Variants in CAMK1D observed in about 807,000 individuals in gnomAD.
CAMK1D encodes calcium/calmodulin dependent protein kinase ID.
In CAMK1D, 9 loss-of-function variants were observed where a neutral mutation model predicts 47.7. The ratio of observed to expected loss-of-function variants is 0.19; its 90% CI spans 0.11 to 0.33. CAMK1D has a LOEUF of 0.33. Among genes scored for constraint, CAMK1D ranks in the 10% least tolerant of loss-of-function variants. The pLI is 1.00. For synonymous variants in CAMK1D, 184 were observed against 184.9 expected (o/e 0.99, Z 0.04); for missense variants, 291 against 488.7 (o/e 0.60, Z 3.81).
At chr10:12,457,251 A>C (rs965075050) in intron 1 of CAMK1D, among the ~76,000 whole-genome samples, 1 of 151,792 alleles carries the variant, frequency 6.6e-6, no homozygotes, top group African/African-American at 2.4e-5. Context: ...ATTAGCTGGG[A>C]GTGGTGGCAC....
Position 12,465,424 on chromosome 10 carries a change from G to A in CAMK1D, c.93-87801G>A, listed in dbSNP as rs552766634. Among the ~76,000 whole-genome samples, 235 of 151,776 alleles carry A rather than the reference G, an allele frequency of 1.5e-3. 1 individual carries two copies. Among genetic ancestry groups the A allele is most frequent in the African/African-American group, 5.2e-3 (217 of 41,360 alleles). ...GGCTGGAGTGCAGTGGTGTGATCTC[G>A]GCTCACTGCAAGCTCTGCCTGCCAG... On this transcript the variant is annotated intron_variant, in intron 1 of 10. Transcript: ENST00000619168.
chr10:12,395,721 C>G (rs1222844472), intron 1 of CAMK1D, among the ~76,000 whole-genome samples: 2 of 151,682 alleles, frequency 1.3e-5, no homozygotes, highest in Non-Finnish European at 2.9e-5. Flanking sequence ...TCGAGACCAG[C>G]CTAGCCAACA....
chr10:12,389,929 C>CA lies in CAMK1D; in HGVS notation c.92+40022dup, dbSNP rs368347029. Among the ~76,000 whole-genome samples, 421 of 152,012 alleles carry CA rather than the reference C, an allele frequency of 2.8e-3. 3 individuals are homozygous for CA. The highest frequency in any genetic ancestry group is 9.9e-3 in the African/African-American group (412 of 41,464). Reference sequence around the variant, plus strand: ...TGTAGTAGAACATCTCCTTGAGCCTCAAAGAGAAGGCTATTTTTCCTGTGG... The same window carrying CA: ...TGTAGTAGAACATCTCCTTGAGCCTCAAAAGAGAAGGCTATTTTTCCTGTGG... On this transcript the variant is annotated intron_variant, in intron 1 of 10. Transcript: ENST00000619168.
chr10:12,780,021 C>T (rs1271152501), intron 5 of CAMK1D, among the ~76,000 whole-genome samples: 4 of 152,116 alleles, frequency 2.6e-5, no homozygotes, highest in South Asian at 2.1e-4. Context: ...TGGTCTAACT[C>T]GGCCTTAACT....
intron 3 of CAMK1D, among the ~76,000 whole-genome samples, chr10:12,698,470 C>A (rs1027967638): frequency 6.6e-6 from 1 of 152,024 alleles, no homozygotes; most frequent in Non-Finnish European, 1.5e-5. Flanking sequence ...TCAAAAAGTT[C>A]ATGGGAAAAT....
intron 1 of CAMK1D, among the ~76,000 whole-genome samples, chr10:12,354,881 A>G (rs1837462102): frequency 7.1e-6 from 1 of 140,798 alleles, no homozygotes; most frequent in East Asian, 2.1e-4. Context: ...TTGCTCTGTC[A>G]CTCAGGCTGG....
intron 5 of CAMK1D, among the ~76,000 whole-genome samples, chr10:12,785,963 CGGTTTGGCCA>C (rs747044896): frequency 6.6e-6 from 1 of 152,116 alleles, no homozygotes; most frequent in African/African-American, 2.4e-5. Context: ...CGGTTTGGCC[CGGTTTGGCCA>C]CCATATCAAA....
At chr10:12,574,769 G>T (rs1016227178) in intron 2 of CAMK1D, among the ~76,000 whole-genome samples, 11 of 152,050 alleles carry the variant, frequency 7.2e-5, no homozygotes, top group Admixed American at 6.6e-4. Flanking sequence ...AAACATAGAG[G>T]CTTCTGCTTC....
chr10:12,413,563 G>C, intron 1 of CAMK1D, among the ~76,000 whole-genome samples: 1 of 151,050 alleles, frequency 6.6e-6, no homozygotes, highest in Non-Finnish European at 1.5e-5. Flanking sequence ...TAATGATGAT[G>C]ATGACATTGG....
At chr10:12,650,326 G>C (rs1192069197) in intron 2 of CAMK1D, among the ~76,000 whole-genome samples, 2 of 152,256 alleles carry the variant, frequency 1.3e-5, no homozygotes, top group Non-Finnish European at 2.9e-5. Context: ...TCAGATGCCA[G>C]GGCAGGGCTG....
intron 2 of CAMK1D, among the ~76,000 whole-genome samples, chr10:12,554,196 T>C (rs956558671): frequency 6.7e-6 from 1 of 150,068 alleles, no homozygotes; most frequent in Non-Finnish European, 1.5e-5. Context: ...CTCGCTCTGT[T>C]GCCCAGGCTG....
At chr10:12,730,191 CAGGGAGAT>C (rs1474677774) in intron 3 of CAMK1D, among the ~76,000 whole-genome samples, 1 of 152,042 alleles carries the variant, frequency 6.6e-6, no homozygotes, top group Admixed American at 6.6e-5. Context: ...GGATGGTTGC[CAGGGAGAT>C]AGGGAGATGG....
chr10:12,360,133 C>T (rs1404327260), intron 1 of CAMK1D, among the ~76,000 whole-genome samples: 3 of 152,146 alleles, frequency 2.0e-5, no homozygotes, highest in Non-Finnish European at 4.4e-5. Flanking sequence ...TGAAAGTAGT[C>T]AGTATTTCTA....
chr10:12,684,223 T>G (rs138018756), intron 3 of CAMK1D, among the ~76,000 whole-genome samples: 1 of 152,272 alleles, frequency 6.6e-6, no homozygotes, highest in East Asian at 1.9e-4. Context: ...AAGCTAACAT[T>G]CTTCCTGGAA....
intron 1 of CAMK1D, among the ~76,000 whole-genome samples, chr10:12,398,138 A>G (rs537789475): frequency 6.6e-6 from 1 of 152,270 alleles, no homozygotes; most frequent in African/African-American, 2.4e-5. Context: ...TACCACAGAG[A>G]TTTGATACCC....
intron 5 of CAMK1D, among the ~76,000 whole-genome samples, chr10:12,787,079 T>TGCCACTG (rs1837757549): frequency 6.6e-6 from 1 of 152,124 alleles, no homozygotes; most frequent in African/African-American, 2.4e-5. Context: ...ATTGAGATCG[T>TGCCACTG]GCCACTGCAC....
chr10:12,417,501 T>C (rs1839893397), intron 1 of CAMK1D, among the ~76,000 whole-genome samples: 1 of 152,156 alleles, frequency 6.6e-6, no homozygotes. Flanking sequence ...GCCAGGGGAA[T>C]TGCTCAGGGT....
At chr10:12,600,236 C>T (rs12413571) in intron 2 of CAMK1D, among the ~76,000 whole-genome samples, 6,017 of 152,300 alleles carry the variant, frequency 0.04, 189 homozygotes, top group Admixed American at 0.1. Context: ...TCCAGTTCCC[C>T]GCTTCTTACA....
chr10:12,691,496 G>A (rs535047400), intron 3 of CAMK1D, among the ~76,000 whole-genome samples: 16 of 144,188 alleles, frequency 1.1e-4, no homozygotes, highest in East Asian at 2.1e-4. Flanking sequence ...GCAGTGGTGC[G>A]ATCTCAGCTC....
Sources: gnomAD v4.1 joint callset for allele counts (sites outside exome capture counted in the v4.1 genomes callset) on GRCh38, gnomAD v4.1.1 for gene constraint, MANE v1.5 for transcripts, NCBI Gene and HGNC (gene_info 2026-07-23, HGNC 2026-07-21) for gene names.